The following SHC3 variants were observed in gnomAD, a reference collection of about 807,000 sequenced individuals.
SHC3 encodes the protein SHC-transforming protein 3.
A neutral mutation model predicts 60.4 loss-of-function variants in SHC3; 15 were observed. That is an observed-to-expected ratio of 0.25 (90% CI 0.17 to 0.38). The LOEUF (loss-of-function observed/expected upper bound fraction) is 0.38. Among genes scored for constraint, SHC3 ranks in the 10% least tolerant of loss-of-function variants. SHC3 has a pLI of 1.00. For synonymous variants in SHC3, 294 were observed against 325.9 expected, an observed-to-expected ratio of 0.90 and a Z score of 1.05; for missense variants, 677 against 786.1, an observed-to-expected ratio of 0.86 and a Z score of 1.66.
intron 1 of SHC3, among the ~76,000 whole-genome samples, chr9:89,113,571 A>T (rs1328042224): frequency 1.3e-5 from 2 of 152,156 alleles, no homozygotes; most frequent in South Asian, 4.1e-4. Flanking sequence ...TCTTCTTATA[A>T]CTTTAAATTT....
intron 11 of SHC3, among the ~76,000 whole-genome samples, chr9:89,033,803 G>T (rs1295684808): frequency 3.3e-5 from 5 of 152,180 alleles, no homozygotes; most frequent in African/African-American, 1.2e-4. Flanking sequence ...GAAACAGGGG[G>T]TATAGAGGGG....
chr9:89,128,583 T>G (rs1469451844), intron 1 of SHC3, among the ~76,000 whole-genome samples: 2 of 152,218 alleles, frequency 1.3e-5, no homozygotes, highest in African/African-American at 4.8e-5. Flanking sequence ...CAACATTTGC[T>G]GTTCTGCAAT....
intron 2 of SHC3, among the ~76,000 whole-genome samples, chr9:89,110,771 T>C (rs1825935740): frequency 6.6e-6 from 1 of 152,224 alleles, no homozygotes; most frequent in African/African-American, 2.4e-5. Context: ...AGTACAAGAA[T>C]AATGCTCCAC....
intron 2 of SHC3, 79 bp downstream of exon 2, chr9:89,112,476 TA>T (rs1422351643): frequency 1.3e-6 from 2 of 1,512,940 alleles, no homozygotes; most frequent in Non-Finnish European, 1.8e-6. Context: ...TCTTTTCTTC[TA>T]AAAATGTGTC....
chr9:89,167,442 G>T (rs192611125), intron 1 of SHC3, among the ~76,000 whole-genome samples: 2 of 152,270 alleles, frequency 1.3e-5, no homozygotes, highest in African/African-American at 4.8e-5. Flanking sequence ...CCAAGCAAGG[G>T]GTACCATGAT....
At chr9:89,084,276 T>C (rs968628335) in intron 2 of SHC3, among the ~76,000 whole-genome samples, 2 of 152,180 alleles carry the variant, frequency 1.3e-5, no homozygotes, top group African/African-American at 4.8e-5. Context: ...TTTGGTTTAC[T>C]CCAGAAAGGT....
intron 2 of SHC3, chr9:89,109,433 C>A (rs1195880905): frequency 2.0e-6 from 2 of 985,232 alleles, no homozygotes; most frequent in Non-Finnish European, 2.4e-6. Flanking sequence ...GATAAGGGTG[C>A]TCAGAGACAT....
At chr9:89,131,709 C>G (rs968512374) in intron 1 of SHC3, among the ~76,000 whole-genome samples, 1 of 152,104 alleles carries the variant, frequency 6.6e-6, no homozygotes, top group African/African-American at 2.4e-5. Context: ...AATTCAACAG[C>G]GCTTCATGCC....
chr9:89,062,262 T>C (rs1440093413), intron 6 of SHC3, among the ~76,000 whole-genome samples: 2 of 152,216 alleles, frequency 1.3e-5, no homozygotes. Context: ...GCCTGACTTG[T>C]TGGGAATTGC....
At chr9:89,171,289 A>G (rs1826865793) in intron 1 of SHC3, among the ~76,000 whole-genome samples, 1 of 152,038 alleles carries the variant, frequency 6.6e-6, no homozygotes, top group African/African-American at 2.4e-5. Context: ...GGCAGTGGAA[A>G]TTTTTAATGT....
At chr9:89,081,578 G>A (rs1008308816) in intron 2 of SHC3, among the ~76,000 whole-genome samples, 1 of 151,720 alleles carries the variant, frequency 6.6e-6, no homozygotes, top group Middle Eastern at 3.4e-3. Context: ...CCAGAACCCT[G>A]AGTGAATGTG....
chr9:89,108,392 G>C (rs921162743), intron 2 of SHC3, among the ~76,000 whole-genome samples: 4 of 151,816 alleles, frequency 2.6e-5, no homozygotes, highest in African/African-American at 9.7e-5. Context: ...ATGGTGGCAT[G>C]CACCTGTGGT....
At chr9:89,112,427 T>C in intron 2 of SHC3, 129 bp downstream of exon 2, 1 of 891,446 alleles carries the variant, frequency 1.1e-6, no homozygotes, top group Non-Finnish European at 1.8e-6. Flanking sequence ...AGGACAGTAC[T>C]GACTCACTGT....
intron 2 of SHC3, among the ~76,000 whole-genome samples, chr9:89,082,967 T>C (rs1824221120): frequency 6.6e-6 from 1 of 152,152 alleles, no homozygotes; most frequent in Admixed American, 6.5e-5. Context: ...ACTTGAAGTT[T>C]TCAAACACAG....
At chr9:89,035,133 AC>A (rs1182305179) in intron 11 of SHC3, among the ~76,000 whole-genome samples, 1 of 152,102 alleles carries the variant, frequency 6.6e-6, no homozygotes. Flanking sequence ...GGCCTTTGCA[AC>A]CTCCACGATT....
intron 1 of SHC3, among the ~76,000 whole-genome samples, chr9:89,154,365 C>T (rs1826591684): frequency 6.6e-6 from 1 of 152,152 alleles, no homozygotes; most frequent in African/African-American, 2.4e-5. Flanking sequence ...AGTCCCAGTA[C>T]CCGCTGTTAA....
chr9:89,038,346 A>T (rs79374955), intron 10 of SHC3, 58 bp from the exon 11 acceptor site: 28 of 349,286 alleles, frequency 8.0e-5, no homozygotes, highest in East Asian at 1.9e-3. Context: ...AAATGATAAA[A>T]AAAAAAAAAA....
intron 6 of SHC3, among the ~76,000 whole-genome samples, chr9:89,055,449 C>A (rs184291037): frequency 6.6e-6 from 1 of 152,352 alleles, no homozygotes; most frequent in African/African-American, 2.4e-5. Context: ...ACAATCCCAA[C>A]GTCTCTGGCT....
At chr9:89,097,500 C>G (rs1394658646) in intron 2 of SHC3, among the ~76,000 whole-genome samples, 1 of 152,166 alleles carries the variant, frequency 6.6e-6, no homozygotes, top group African/African-American at 2.4e-5. Flanking sequence ...TTAAAAGGCC[C>G]TGGGGGCAGA....
Sources: allele counts gnomAD v4.1 joint callset (sites outside exome capture counted in the v4.1 genomes callset), GRCh38; gene constraint gnomAD v4.1.1; transcripts MANE v1.5; gene names NCBI Gene and HGNC (gene_info 2026-07-23, HGNC 2026-07-21).